Variants in NDRG4 observed in about 807,000 individuals in gnomAD.
NDRG4 encodes NDRG family member 4.
A neutral mutation model predicts 55.8 loss-of-function variants in NDRG4; 38 were observed. The observed-to-expected ratio is 0.68, with a 90% confidence interval of 0.53 to 0.89. NDRG4 has a LOEUF of 0.89. NDRG4 is among the 40% of genes least tolerant of loss of function. The pLI is 0.00. For synonymous variants in NDRG4, 190 were observed against 182.7 expected (o/e 1.04, Z -0.32); for missense variants, 455 against 468.6 (o/e 0.97, Z 0.27).
intron 2 of NDRG4, among the ~76,000 whole-genome samples, chr16:58,489,255 C>T (rs1266473413): frequency 2.6e-5 from 4 of 152,046 alleles, no homozygotes; most frequent in Non-Finnish European, 4.4e-5. Flanking sequence ...GCACTCCAGC[C>T]TGGGCAACAG....
rs2036891291 is a variant in NDRG4 at position 58,500,186 on chromosome 16, A to AC, written c.-60dup. The AC allele has an allele frequency of 2.6e-6, 4 of 1,535,890 alleles. No homozygotes were observed. The highest frequency in any genetic ancestry group is 3.5e-6 in the Non-Finnish European group (4 of 1,146,788). The stretch of plus-strand genomic sequence containing the variant: ...CACTCGAGCTGCCCCCGCCCTCTGG[A>AC]CCCGAGTGACTCAGGCCTTTGTTTG... On this transcript the variant is annotated 5_prime_UTR_variant, in exon 1 of 15. Coordinates refer to ENST00000570248, the MANE Select transcript of NDRG4 (RefSeq NM_001242835.2).
At chr16:58,502,092 C>T (rs1347383068) in intron 1 of NDRG4, 1 of 434,374 alleles carries the variant, frequency 2.3e-6, no homozygotes, top group Admixed American at 2.4e-5. Context: ...ACCGCCCTGG[C>T]CCCTGAGACT....
intron 1 of NDRG4, chr16:58,502,151 A>C (rs2037240628): frequency 5.0e-6 from 2 of 400,194 alleles, no homozygotes; most frequent in South Asian, 3.4e-5. Flanking sequence ...ACCTTGGGCA[A>C]GTCATTTCCC....
chr16:58,476,974 A>G (rs1002756635), intron 1 of NDRG4, among the ~76,000 whole-genome samples: 3 of 152,100 alleles, frequency 2.0e-5, no homozygotes, highest in African/African-American at 7.2e-5. Flanking sequence ...AGGAATGAAC[A>G]AATAAGCAAA....
At chr16:58,494,455 A>G (rs2036161858) in intron 2 of NDRG4, among the ~76,000 whole-genome samples, 1 of 152,000 alleles carries the variant, frequency 6.6e-6, no homozygotes, top group Admixed American at 6.6e-5. Context: ...AAAAACATCT[A>G]TGGGAGCAGA....
chr16:58,489,441 T>A (rs1469519071), intron 2 of NDRG4, among the ~76,000 whole-genome samples: 2 of 151,572 alleles, frequency 1.3e-5, no homozygotes, highest in African/African-American at 2.4e-5. Flanking sequence ...TCCTAGTACA[T>A]CTGCTTGGGA....
chr16:58,478,402 A>C, intron 1 of NDRG4, among the ~76,000 whole-genome samples: 1 of 148,782 alleles, frequency 6.7e-6, no homozygotes, highest in East Asian at 2.0e-4. Context: ...AAAAAAAAAA[A>C]GTGTCAAGGT....
At chr16:58,515,170 G>A (rs892477232), downstream of NDRG4, among the ~76,000 whole-genome samples, 2 of 152,120 alleles carry the variant, frequency 1.3e-5, no homozygotes, top group African/African-American at 4.8e-5. Flanking sequence ...GCCCAGTTGC[G>A]TCGCTCACCA....
chr16:58,501,224 A>G (rs922021258), intron 1 of NDRG4: 1 of 424,756 alleles, frequency 2.4e-6, no homozygotes, highest in Non-Finnish European at 4.0e-6. Context: ...CTGCCCGCCC[A>G]TGCAGACCCT....
At chr16:58,485,125 C>T (rs1399798796) in intron 1 of NDRG4, among the ~76,000 whole-genome samples, 1 of 152,118 alleles carries the variant, frequency 6.6e-6, no homozygotes, top group Non-Finnish European at 1.5e-5. Flanking sequence ...CCTCGTGATC[C>T]ACCTGCCTTG....
At chr16:58,510,559 A>G (rs1398114380) in intron 13 of NDRG4, 86 bp from the exon 14 acceptor site, 1 of 1,170,710 alleles carries the variant, frequency 8.5e-7, no homozygotes, top group African/African-American at 1.5e-5. Context: ...GCTCATCTCA[A>G]TGCCCTTGAC....
At chr16:58,479,146 G>A (rs1254989183) in intron 1 of NDRG4, among the ~76,000 whole-genome samples, 2 of 151,962 alleles carry the variant, frequency 1.3e-5, no homozygotes, top group African/African-American at 4.8e-5. Flanking sequence ...CTCCTGCCTC[G>A]GCCTCCCAAA....
chr16:58,501,290 A>G, intron 1 of NDRG4: 1 of 388,748 alleles, frequency 2.6e-6, no homozygotes. Flanking sequence ...ACCAGCACCA[A>G]CTCCCACACC....
At chr16:58,477,595 A>C (rs1296090669) in intron 1 of NDRG4, among the ~76,000 whole-genome samples, 1 of 152,188 alleles carries the variant, frequency 6.6e-6, no homozygotes, top group Non-Finnish European at 1.5e-5. Flanking sequence ...ATAAAGGAGG[A>C]AAAAGGACAA....
intron 14 of NDRG4, chr16:58,511,196 CAG>C: frequency 1.7e-6 from 1 of 574,690 alleles, no homozygotes. Flanking sequence ...TGCACCAGCT[CAG>C]GGCTGCCTGG....
At chr16:58,499,875 G>A (rs2036848106), upstream of NDRG4, 1 of 403,132 alleles carries the variant, frequency 2.5e-6, no homozygotes, top group Admixed American at 3.8e-5. Flanking sequence ...GTGAGCTGCA[G>A]CTGTTGGCGT....
At position 58,512,545 on chromosome 16, in the gene NDRG4, G is replaced by A. The variant is rs770555178; in HGVS notation, c.*969G>A. Reference sequence around the variant, plus strand: ...AGAGCTCTGGCCAGGCTGTGCCAGTGTGTCCCGGACGCATCACTAAGGAAG... The same window carrying A: ...AGAGCTCTGGCCAGGCTGTGCCAGTATGTCCCGGACGCATCACTAAGGAAG... On this transcript the variant is annotated 3_prime_UTR_variant, in exon 15 of 15. Transcript: ENST00000570248. 1.4e-5 allele frequency: 3 copies of A among 211,948 alleles called. No homozygotes were observed. Among genetic ancestry groups the A allele is most frequent in the Admixed American group, 5.3e-5 (1 of 18,840 alleles). 13.1% of individuals were successfully genotyped at this position (211,948 alleles called of 1,614,324 possible). A position where few individuals can be genotyped will look rare whatever the true frequency, so the allele number is the denominator to read the frequency against.
At chr16:58,506,186 A>C in intron 5 of NDRG4, 1 of 645,934 alleles carries the variant, frequency 1.5e-6, no homozygotes, top group African/African-American at 2.0e-5. Flanking sequence ...GGAAACAATG[A>C]TAGAGATTCT....
intron 7 of NDRG4, 79 bp downstream of exon 7, chr16:58,506,693 T>C: frequency 6.8e-7 from 1 of 1,478,274 alleles, no homozygotes; most frequent in South Asian, 1.2e-5. Flanking sequence ...GGCAGGCGGG[T>C]GTCTTTGGCA....
Sources: allele counts gnomAD v4.1 joint callset (sites outside exome capture counted in the v4.1 genomes callset), GRCh38; gene constraint gnomAD v4.1.1; transcripts MANE v1.5; gene names NCBI Gene and HGNC (gene_info 2026-07-23, HGNC 2026-07-21).